The following ADAMTS9 variants were observed in gnomAD, a reference collection of about 807,000 sequenced individuals.
The protein encoded by ADAMTS9 is A disintegrin and metalloproteinase with thrombospondin motifs 9.
In ADAMTS9, 107 loss-of-function variants were observed where a neutral mutation model predicts 257.1. That is an observed-to-expected ratio of 0.42 (90% CI 0.36 to 0.49). ADAMTS9 has a LOEUF of 0.49. Ranked by LOEUF, ADAMTS9 falls within the 20% of genes least tolerant of loss-of-function variation. The pLI is 0.03. For synonymous variants in ADAMTS9, 982 were observed against 880.9 expected, an observed-to-expected ratio of 1.11 and a Z score of -2.03; for missense variants, 2,353 against 2,469.1, an observed-to-expected ratio of 0.95 and a Z score of 1.00.
chr3:64,655,257 T>C (rs1701036074), intron 6 of ADAMTS9, among the ~76,000 whole-genome samples: 1 of 152,244 alleles, frequency 6.6e-6, no homozygotes. Flanking sequence ...CTAACACATT[T>C]ATTCCTCACT....
chr3:64,515,941 A>G lies in ADAMTS9; in HGVS notation c.*1186T>C, dbSNP rs2082770313. On this transcript the variant is annotated 3_prime_UTR_variant, in exon 40 of 40. Transcript: ENST00000498707. ...CTTCCATTTTGGAAAGAAGTAACAA[A>G]AAAGTGAATTAATGAGCAATCGGAA... 6.6e-6 allele frequency: 1 copy of G among 152,230 alleles called. No individual in the cohort carries two copies. The highest frequency in any genetic ancestry group is 2.1e-4 in the South Asian group (1 of 4,828). The allele number at this position is 152,230 out of a possible 1,614,324, so 9.4% of individuals were successfully genotyped here. A position where few individuals can be genotyped will look rare whatever the true frequency, so the allele number is the denominator to read the frequency against.
At chr3:64,518,482 CAGA>C (rs779519126) in intron 39 of ADAMTS9, among the ~76,000 whole-genome samples, 26 of 152,158 alleles carry the variant, frequency 1.7e-4, no homozygotes, top group Non-Finnish European at 3.4e-4. Flanking sequence ...TTTTACTCAG[CAGA>C]AGAATCACCT....
chr3:64,633,402 A>G, intron 14 of ADAMTS9, 70 bp downstream of exon 14: 1 of 1,593,068 alleles, frequency 6.3e-7, no homozygotes, highest in South Asian at 1.1e-5. Flanking sequence ...TTGCTATTCT[A>G]TCTAGGAAGC....
intron 30 of ADAMTS9, among the ~76,000 whole-genome samples, chr3:64,551,368 C>A (rs2083269574): frequency 6.6e-6 from 1 of 152,076 alleles, no homozygotes; most frequent in Admixed American, 6.5e-5. Context: ...CGCCACCACG[C>A]CAGGCTAATT....
chr3:64,517,184 C>A (rs2082784991), intron 39 of ADAMTS9, 63 bp from the exon 40 acceptor site: 1 of 152,524 alleles, frequency 6.6e-6, no homozygotes, highest in African/African-American at 2.4e-5. Flanking sequence ...TAAGAATAGG[C>A]AACTGATAAA....
At chr3:64,533,349 A>G in intron 37 of ADAMTS9, 79 bp from the exon 38 acceptor site, 1 of 1,089,376 alleles carries the variant, frequency 9.2e-7, no homozygotes, top group South Asian at 1.3e-5. Context: ...TGATACAATA[A>G]AAGGTACTTT....
intron 30 of ADAMTS9, among the ~76,000 whole-genome samples, chr3:64,552,123 C>T (rs913300081): frequency 4.6e-5 from 7 of 152,134 alleles, no homozygotes; most frequent in Admixed American, 2.0e-4. Flanking sequence ...ACTGTAATTC[C>T]GTTTTCCAGA....
intron 19 of ADAMTS9, 123 bp from the exon 20 acceptor site, chr3:64,616,293 C>A (rs927464346): frequency 6.9e-6 from 7 of 1,008,324 alleles, no homozygotes; most frequent in Non-Finnish European, 1.0e-5. Context: ...TACCATGAAG[C>A]CCAAAGCCAC....
chr3:64,637,761 A>C (rs1042668380), intron 12 of ADAMTS9, among the ~76,000 whole-genome samples: 1 of 152,256 alleles, frequency 6.6e-6, no homozygotes, highest in African/African-American at 2.4e-5. Context: ...CTGATGGCCA[A>C]TTATGAAGAA....
At position 64,596,952 on chromosome 3, in the gene ADAMTS9, C is replaced by T; in HGVS notation, c.4057G>A (p.Val1353Ile). The change falls in exon 27 of 40, where the codon GTT (valine) becomes ATT (isoleucine). Residue 1353 changes from valine (V) to isoleucine (I), a missense_variant. Around this residue, in one of 3 missense-constraint regions of ADAMTS9, gnomAD observed 1,402 missense variants for 1,441.4 expected, o/e 0.97. Coordinates refer to ENST00000498707, the MANE Select transcript of ADAMTS9 (RefSeq NM_182920.2). ...TATCCATTTTCATCCTGACATACAA[C>T]AACACGCCGCTGGGATCCGCCAGCA... is the stretch of plus-strand genomic sequence containing the variant. Reference protein sequence around the residue: ...TCAGGSQRRVVVCQDENGYTA... With the variant: ...TCAGGSQRRVIVCQDENGYTA... 1 of 1,613,510 alleles carries T rather than the reference C, an allele frequency of 6.2e-7. No homozygotes were observed. Among genetic ancestry groups the T allele is most frequent in the Non-Finnish European group, 8.5e-7 (1 of 1,179,724 alleles).
At chr3:64,663,045 C>CA (rs1293870635) in intron 3 of ADAMTS9, among the ~76,000 whole-genome samples, 30 of 151,948 alleles carry the variant, frequency 2.0e-4, no homozygotes, top group Admixed American at 1.2e-3. Context: ...TCCTAAAATC[C>CA]AAAAAAACCC....
chr3:64,674,267 T>C (rs928834081), intron 3 of ADAMTS9, among the ~76,000 whole-genome samples: 4 of 150,904 alleles, frequency 2.7e-5, no homozygotes, highest in Non-Finnish European at 5.9e-5. Flanking sequence ...TTGAAGACTA[T>C]AAAAAAGAGA....
Position 64,613,333 on chromosome 3 carries a change from C to G in ADAMTS9, c.3354+12G>C, listed in dbSNP as rs115182336. The G allele has an allele frequency of 1.9e-6, 3 of 1,611,598 alleles. No individual in the cohort carries two copies. Among genetic ancestry groups the G allele is most frequent in the Admixed American group, 1.7e-5 (1 of 59,782 alleles). On this transcript the variant is annotated intron_variant, in intron 22 of 39. Coordinates refer to ENST00000498707, the MANE Select transcript of ADAMTS9 (RefSeq NM_182920.2). ...AGAATGTAGCAGTTAAGAATCTTATCGTTCAAAATACCTGTCCCCAGGGAC... is the reference window on the plus strand; with the variant it reads ...AGAATGTAGCAGTTAAGAATCTTATGGTTCAAAATACCTGTCCCCAGGGAC...
At chr3:64,553,857 A>G (rs2083299145) in intron 30 of ADAMTS9, among the ~76,000 whole-genome samples, 1 of 152,134 alleles carries the variant, frequency 6.6e-6, no homozygotes, top group Non-Finnish European at 1.5e-5. Context: ...GCTCATCCCT[A>G]GCTCAGTGGT....
chr3:64,541,899 G>A lies in ADAMTS9; in HGVS notation c.5136C>T (p.Ser1712=), dbSNP rs374865561. 5 of 1,614,066 alleles carry A rather than the reference G, an allele frequency of 3.1e-6. No homozygotes were observed. In the African/African-American group the frequency reaches 6.7e-5, roughly 22 times the overall value. The change falls in exon 33 of 40, where the codon AGC becomes AGT. Residue 1712 remains serine (S), a synonymous_variant. Coordinates refer to ENST00000498707, the MANE Select transcript of ADAMTS9 (RefSeq NM_182920.2). ...VQCLTNEDQP[S]HLCHTDLKPE... Reference sequence around the variant, plus strand: ...GCTTCAGATCAGTGTGGCATAAGTGGCTGGGTTGGTCCTCATTGGTTAAAC... The same window carrying A: ...GCTTCAGATCAGTGTGGCATAAGTGACTGGGTTGGTCCTCATTGGTTAAAC...
In ADAMTS9 at chr3:64,633,774, A is replaced by G; in HGVS notation, c.1962T>C (p.Cys654=). Reference sequence around the variant, plus strand: ...TAAAATGCTTCCCGTCAAAGTGAGCACACTGTTCATCTCGGAAGTCTCGCT... The same window carrying G: ...TAAAATGCTTCCCGTCAAAGTGAGCGCACTGTTCATCTCGGAAGTCTCGCT... ...KQKRDFRDEQ[C]AHFDGKHFNI... The change falls in exon 13 of 40, where the codon TGT becomes TGC. Residue 654 remains cysteine, a synonymous_variant. Transcript: ENST00000498707. 6.2e-7 allele frequency: 1 copy of G among 1,613,504 alleles called. No homozygotes were observed. The highest frequency in any genetic ancestry group is 2.2e-5 in the East Asian group (1 of 44,802).
intron 22 of ADAMTS9, among the ~76,000 whole-genome samples, chr3:64,610,829 C>T (rs913195579): frequency 1.3e-5 from 2 of 152,162 alleles, no homozygotes; most frequent in East Asian, 3.9e-4. Flanking sequence ...GTAATCCCAG[C>T]ATTTTGGGAG....
At chr3:64,574,366 G>A (rs759938063) in intron 28 of ADAMTS9, among the ~76,000 whole-genome samples, 8 of 151,936 alleles carry the variant, frequency 5.3e-5, no homozygotes, top group Non-Finnish European at 1.0e-4. Flanking sequence ...AGGAGACTGA[G>A]GGTCAAAGAG....
At chr3:64,621,510 C>T (rs1028220714) in intron 18 of ADAMTS9, among the ~76,000 whole-genome samples, 4 of 152,140 alleles carry the variant, frequency 2.6e-5, no homozygotes, top group African/African-American at 9.6e-5. Flanking sequence ...ACCTGTAATC[C>T]CAGCATTTTG....
Sources: allele counts gnomAD v4.1 joint callset (sites outside exome capture counted in the v4.1 genomes callset), GRCh38; gene constraint gnomAD v4.1.1; regional missense constraint gnomAD v4.1.1; transcripts MANE v1.5; gene names NCBI Gene and HGNC (gene_info 2026-07-23, HGNC 2026-07-21).